The following DNAAF11 variants were observed in gnomAD, a reference collection of about 807,000 sequenced individuals.
The protein encoded by DNAAF11 is leucine rich repeat containing 6.
In DNAAF11, 45 loss-of-function variants were observed where a neutral mutation model predicts 60.8. The observed-to-expected ratio is 0.74, with a 90% CI of 0.58 to 0.95. The LOEUF (loss-of-function observed/expected upper bound fraction) is 0.95, where lower values mean the gene tolerates loss of function less well. Ranked by LOEUF, DNAAF11 falls within the 40% of genes least tolerant of loss-of-function variation. DNAAF11 has a pLI of 0.00. For synonymous variants in DNAAF11, 191 were observed against 183.5 expected, an observed-to-expected ratio of 1.04 and a Z score of -0.33; for missense variants, 546 against 546.2, an observed-to-expected ratio of 1.00 and a Z score of 0.00.
chr8:132,571,260 T>C lies in DNAAF11; in HGVS notation c.*1046A>G, dbSNP rs959208777. Among the ~76,000 whole-genome samples, 8 of 152,328 alleles carry C rather than the reference T, an allele frequency of 5.3e-5. No individual in the cohort carries two copies. Among genetic ancestry groups the C allele is most frequent in the Middle Eastern group, 3.4e-3 (1 of 294 alleles). On this transcript the variant is annotated 3_prime_UTR_variant, in exon 12 of 12. Coordinates refer to ENST00000620350, the MANE Select transcript of DNAAF11 (RefSeq NM_012472.6). ...TGTATGTATTTGTCTGCTTTGTTAC[T>C]ACTAAATCCCTGATGAACAGAGAGG... is the stretch of plus-strand genomic sequence containing the variant.
At chr8:132,693,739 T>C in the DNAAF11 span, among the ~76,000 whole-genome samples, 1 of 152,050 alleles carries the variant, frequency 6.6e-6, no homozygotes, top group South Asian at 2.1e-4. Flanking sequence ...CATTTGAGAA[T>C]GGACAGTATG....
chr8:132,694,241 A>C, the DNAAF11 span, among the ~76,000 whole-genome samples: 1 of 152,220 alleles, frequency 6.6e-6, no homozygotes, highest in Non-Finnish European at 1.5e-5. Context: ...TTGTAAGAGA[A>C]AGAAAGGAAT....
At chr8:132,681,584 G>A in the DNAAF11 span, among the ~76,000 whole-genome samples, 2 of 152,032 alleles carry the variant, frequency 1.3e-5, no homozygotes, top group Admixed American at 1.3e-4. Context: ...TATAAAGAAA[G>A]CACTGGAAAA....
chr8:132,621,261 C>T (rs765286059), intron 7 of DNAAF11, among the ~76,000 whole-genome samples: 11 of 152,234 alleles, frequency 7.2e-5, no homozygotes, highest in Non-Finnish European at 1.3e-4. Context: ...AGAGGAGAAA[C>T]GGTGGAAGCT....
At chr8:132,586,102 C>T (rs1208369996) in intron 10 of DNAAF11, among the ~76,000 whole-genome samples, 1 of 151,918 alleles carries the variant, frequency 6.6e-6, no homozygotes, top group Non-Finnish European at 1.5e-5. Flanking sequence ...TTTATGGAGA[C>T]TAAAAAGAGA....
intron 1 of DNAAF11, among the ~76,000 whole-genome samples, chr8:132,669,277 C>T (rs1299238890): frequency 6.6e-6 from 1 of 152,168 alleles, no homozygotes; most frequent in Non-Finnish European, 1.5e-5. Context: ...CAGATGCTAG[C>T]TAAGATAGGA....
chr8:132,595,677 G>C (rs1022333745), intron 10 of DNAAF11, among the ~76,000 whole-genome samples: 1 of 152,164 alleles, frequency 6.6e-6, no homozygotes, highest in Non-Finnish European at 1.5e-5. Flanking sequence ...CAGATAGTGG[G>C]ACCATGAGTT....
At chr8:132,641,785 C>T (rs146335968) in intron 3 of DNAAF11, among the ~76,000 whole-genome samples, 1 of 152,102 alleles carries the variant, frequency 6.6e-6, no homozygotes, top group African/African-American at 2.4e-5. Context: ...TAAATAAGCA[C>T]ATGTAGGAAG....
At chr8:132,622,528 C>G in intron 7 of DNAAF11, 83 bp downstream of exon 7, 1 of 1,020,476 alleles carries the variant, frequency 9.8e-7, no homozygotes, top group South Asian at 1.5e-5. Context: ...CTTTGCAGAG[C>G]AAACCTGGAA....
intron 5 of DNAAF11, among the ~76,000 whole-genome samples, chr8:132,625,899 AC>A (rs1188572308): frequency 6.6e-6 from 1 of 151,850 alleles, no homozygotes; most frequent in Admixed American, 6.6e-5. Flanking sequence ...ACAAGAAATC[AC>A]CCCACTTCTA....
intron 11 of DNAAF11, among the ~76,000 whole-genome samples, chr8:132,576,011 C>T (rs1271602031): frequency 6.6e-6 from 1 of 152,114 alleles, no homozygotes; most frequent in Non-Finnish European, 1.5e-5. Flanking sequence ...GTACCTCGCC[C>T]ACTACATTTT....
At chr8:132,614,172 G>T (rs1314048455) in intron 8 of DNAAF11, among the ~76,000 whole-genome samples, 1 of 152,146 alleles carries the variant, frequency 6.6e-6, no homozygotes, top group Admixed American at 6.5e-5. Flanking sequence ...GCTGGGCAGG[G>T]GTAGGTACTG....
intron 1 of DNAAF11, among the ~76,000 whole-genome samples, chr8:132,671,407 C>G (rs967212617): frequency 6.6e-6 from 1 of 151,888 alleles, no homozygotes; most frequent in Non-Finnish European, 1.5e-5. Context: ...GAGATATATC[C>G]CTTGTTTTTG....
chr8:132,673,356 C>T (rs1414479805), intron 1 of DNAAF11, among the ~76,000 whole-genome samples: 1 of 152,214 alleles, frequency 6.6e-6, no homozygotes, highest in Non-Finnish European at 1.5e-5. Flanking sequence ...TTAACCAAGC[C>T]TGGCACATCA....
chr8:132,627,252 C>A (rs1055533364), intron 5 of DNAAF11, among the ~76,000 whole-genome samples: 1 of 152,100 alleles, frequency 6.6e-6, no homozygotes, highest in Non-Finnish European at 1.5e-5. Context: ...CTAATTGGTT[C>A]AATCTGGCCT....
chr8:132,660,672 G>A (rs970057364), intron 2 of DNAAF11, among the ~76,000 whole-genome samples: 1 of 152,156 alleles, frequency 6.6e-6, no homozygotes, highest in Admixed American at 6.5e-5. Flanking sequence ...TTATCTGATA[G>A]GTTAATCAGG....
At chr8:132,690,847 G>T in the DNAAF11 span, among the ~76,000 whole-genome samples, 1 of 152,164 alleles carries the variant, frequency 6.6e-6, no homozygotes, top group Non-Finnish European at 1.5e-5. Flanking sequence ...CTGGTTAATG[G>T]GTTTCTGAGA....
rs571080606 is a variant in DNAAF11 at position 132,572,245 on chromosome 8, C to G, written c.*61G>C. On this transcript the variant is annotated 3_prime_UTR_variant, in exon 12 of 12. Coordinates refer to ENST00000620350, the MANE Select transcript of DNAAF11 (RefSeq NM_012472.6). ...ATCCCAGGAATAATATGCATATGGT[C>G]TCTACACCAACCAAAACTGGACCTG... is the stretch of plus-strand genomic sequence containing the variant. 8 of 1,469,512 alleles carry G rather than the reference C, an allele frequency of 5.4e-6. No individual in the cohort carries two copies. The East Asian group carries it at 1.8e-4, about 33-fold the overall frequency. The allele number at this position is 1,469,512 out of a possible 1,614,324, so 91.0% of individuals were successfully genotyped here.
At chr8:132,661,731 G>A in intron 1 of DNAAF11, 104 bp from the exon 2 acceptor site, 2 of 1,226,368 alleles carry the variant, frequency 1.6e-6, no homozygotes, top group Non-Finnish European at 2.4e-6. Flanking sequence ...TTTTGCAGTT[G>A]AATGTCAATT....
Sources: gnomAD v4.1 joint callset for allele counts (sites outside exome capture counted in the v4.1 genomes callset) on GRCh38, gnomAD v4.1.1 for gene constraint, MANE v1.5 for transcripts, NCBI Gene and HGNC (gene_info 2026-07-23, HGNC 2026-07-21) for gene names.